Variants in CSMD3 observed in about 807,000 individuals in gnomAD.
The protein encoded by CSMD3 is CUB and Sushi multiple domains 3.
A neutral mutation model predicts 435.2 loss-of-function variants in CSMD3; 177 were observed. The ratio of observed to expected loss-of-function variants is 0.41; its 90% CI spans 0.36 to 0.46. The LOEUF (loss-of-function observed/expected upper bound fraction) is 0.46. Ranked by LOEUF, CSMD3 falls within the 20% of genes least tolerant of loss-of-function variation. CSMD3 has a pLI of 0.34. For missense variants in CSMD3, 4,265 were observed against 4,504.6 expected (o/e 0.95, Z 1.52); for synonymous variants, 1,656 against 1,520.5 (o/e 1.09, Z -2.07).
chr8:113,244,970 T>C (rs909052346), intron 3 of CSMD3, among the ~76,000 whole-genome samples: 25 of 152,296 alleles, frequency 1.6e-4, no homozygotes, highest in East Asian at 1.3e-3. Context: ...TTTGTAGTTT[T>C]AGTCTCTGTT....
chr8:112,269,886 G>T (rs997890064), intron 59 of CSMD3, among the ~76,000 whole-genome samples: 1 of 152,094 alleles, frequency 6.6e-6, no homozygotes, highest in Non-Finnish European at 1.5e-5. Context: ...GTCAAAGTGT[G>T]CATAACATTT....
intron 4 of CSMD3, among the ~76,000 whole-genome samples, chr8:113,144,204 T>A (rs886732008): frequency 1.3e-5 from 2 of 151,306 alleles, no homozygotes; most frequent in Admixed American, 6.6e-5. Context: ...TCCTTAAATA[T>A]GTTCTCAGCT....
intron 63 of CSMD3, among the ~76,000 whole-genome samples, chr8:112,248,038 T>C (rs1814916127): frequency 6.6e-6 from 1 of 152,104 alleles, no homozygotes; most frequent in Admixed American, 6.6e-5. Flanking sequence ...CAGGGGTATA[T>C]AGTAAACAAG....
chr8:113,310,682 G>C (rs193044365), intron 2 of CSMD3: 37 of 151,908 alleles, frequency 2.4e-4, no homozygotes, highest in African/African-American at 8.4e-4. Flanking sequence ...TAGTTTTCTA[G>C]TTGTAATAAT....
chr8:112,266,386 A>G (rs886677426), intron 59 of CSMD3, among the ~76,000 whole-genome samples: 10 of 152,186 alleles, frequency 6.6e-5, no homozygotes, highest in Non-Finnish European at 1.3e-4. Flanking sequence ...GTCAGGAGCA[A>G]AAGGTCTAGA....
At chr8:112,850,029 T>C (rs2129705317) in intron 11 of CSMD3, among the ~76,000 whole-genome samples, 1 of 152,274 alleles carries the variant, frequency 6.6e-6, no homozygotes, top group South Asian at 2.1e-4. Context: ...TAATTGTACC[T>C]ACATGTTAGG....
At chr8:112,478,748 C>G (rs756324159) in intron 31 of CSMD3, among the ~76,000 whole-genome samples, 26 of 152,170 alleles carry the variant, frequency 1.7e-4, no homozygotes, top group Non-Finnish European at 2.9e-4. Context: ...GCTGAAAGAC[C>G]AGACTGCTGG....
intron 5 of CSMD3, among the ~76,000 whole-genome samples, chr8:113,064,354 T>C (rs1050611402): frequency 6.6e-6 from 1 of 152,074 alleles, no homozygotes; most frequent in Admixed American, 6.6e-5. Context: ...CATTAAAATA[T>C]ATAGAGAGAG....
At chr8:113,318,150 A>C (rs980379064) in intron 1 of CSMD3, among the ~76,000 whole-genome samples, 2 of 152,200 alleles carry the variant, frequency 1.3e-5, no homozygotes, top group Non-Finnish European at 2.9e-5. Flanking sequence ...GGGGTTGCAG[A>C]AAATTTATAC....
chr8:112,967,155 G>T (rs557117127), intron 7 of CSMD3, among the ~76,000 whole-genome samples: 4 of 139,044 alleles, frequency 2.9e-5, no homozygotes, highest in Admixed American at 7.7e-5. Flanking sequence ...TTTGAAAAGC[G>T]TACTATAAGA....
chr8:112,549,620 A>G (rs1827498132), intron 27 of CSMD3, among the ~76,000 whole-genome samples: 1 of 152,008 alleles, frequency 6.6e-6, no homozygotes. Flanking sequence ...AACTATTTGT[A>G]TTATTTATTT....
At chr8:113,328,915 A>AT (rs1303870774) in intron 1 of CSMD3, among the ~76,000 whole-genome samples, 3 of 149,838 alleles carry the variant, frequency 2.0e-5, no homozygotes, top group Middle Eastern at 3.4e-3. Flanking sequence ...TAATTTTTGT[A>AT]TTTTTTTGTA....
intron 9 of CSMD3, among the ~76,000 whole-genome samples, chr8:112,929,266 T>C (rs1390214071): frequency 6.8e-6 from 1 of 147,262 alleles, no homozygotes; most frequent in Non-Finnish European, 1.5e-5. Flanking sequence ...TTGGGAGATA[T>C]ACCTAATGCT....
chr8:112,549,804 A>G (rs1307491633), intron 27 of CSMD3, among the ~76,000 whole-genome samples: 1 of 152,014 alleles, frequency 6.6e-6, no homozygotes, highest in African/African-American at 2.4e-5. Flanking sequence ...TCGGGTCACT[A>G]GGTAACGTGC....
At chr8:112,596,736 G>A (rs1586765195) in intron 22 of CSMD3, among the ~76,000 whole-genome samples, 1 of 152,040 alleles carries the variant, frequency 6.6e-6, no homozygotes, top group African/African-American at 2.4e-5. Context: ...TCAACTAGAT[G>A]GAAACTGAAC....
At position 112,638,905 on chromosome 8, in the gene CSMD3, T is replaced by C. The variant is rs1249771443; in HGVS notation, c.3317A>G (p.Gln1106Arg). ...TVDVTHGKGV[Q>R]FNFHTFHLED... ...CAAATGAAAAGTGTGGAAGTTGAACTGCACACCTATTAAGAAAAATAGAAA... is the reference window on the plus strand; with the variant it reads ...CAAATGAAAAGTGTGGAAGTTGAACCGCACACCTATTAAGAAAAATAGAAA... The change falls in exon 21 of 71, where the codon CAG (glutamine) becomes CGG (arginine). Residue 1106 changes from glutamine (Q) to arginine (R), a missense_variant. Physicochemically the swap from Gln to Arg is conservative, Grantham distance 43 (BLOSUM62 1). This residue lies in a region of CSMD3 where 3,255 missense variants were observed against 3,380.2 expected (regional missense o/e 0.96). Transcript: ENST00000297405. The C allele has an allele frequency of 1.9e-6, 3 of 1,605,872 alleles. No individual in the cohort carries two copies. Among genetic ancestry groups the C allele is most frequent in the African/African-American group, 1.3e-5 (1 of 74,804 alleles).
chr8:112,228,063 A>G (rs1016429459), intron 70 of CSMD3, among the ~76,000 whole-genome samples: 8 of 152,006 alleles, frequency 5.3e-5, no homozygotes, highest in Non-Finnish European at 8.8e-5. Context: ...ATATATATCA[A>G]TTTTGGAGGA....
intron 22 of CSMD3, among the ~76,000 whole-genome samples, chr8:112,596,703 T>C (rs1426551009): frequency 2.6e-5 from 4 of 151,858 alleles, no homozygotes; most frequent in African/African-American, 9.7e-5. Context: ...GAACTCAGGA[T>C]TAAGAATCTC....
At chr8:112,682,375 TTTC>T in intron 16 of CSMD3, 64 bp downstream of exon 16, 1 of 1,139,858 alleles carries the variant, frequency 8.8e-7, no homozygotes, top group Non-Finnish European at 1.3e-6. Flanking sequence ...GGATAATGTG[TTTC>T]TTGTTGTGGT....
Sources: allele counts gnomAD v4.1 joint callset (sites outside exome capture counted in the v4.1 genomes callset), GRCh38; gene constraint gnomAD v4.1.1; regional missense constraint gnomAD v4.1.1; transcripts MANE v1.5; gene names NCBI Gene and HGNC (gene_info 2026-07-23, HGNC 2026-07-21).